Variants in F2RL1 observed in about 807,000 individuals in gnomAD.
F2RL1 encodes proteinase-activated receptor 2.
Under a neutral mutation model 21.7 loss-of-function variants are expected in F2RL1, and 16 were observed. That is an observed-to-expected ratio of 0.74 (90% CI 0.50 to 1.12). The LOEUF (loss-of-function observed/expected upper bound fraction) is 1.12. F2RL1 is among the 50% of genes most tolerant of loss of function. The probability of loss-of-function intolerance (pLI) is 0.00; values close to 1 mark genes in which losing one functional copy is unlikely to be tolerated. For missense variants in F2RL1, 432 were observed against 477.8 expected (o/e 0.90, Z 0.89); for synonymous variants, 181 against 186.7 (o/e 0.97, Z 0.25).
intron 1 of F2RL1, among the ~76,000 whole-genome samples, chr5:76,825,110 G>A (rs944490588): frequency 6.6e-6 from 1 of 150,958 alleles, no homozygotes; most frequent in Admixed American, 6.6e-5. Flanking sequence ...GGGTTCAAGC[G>A]ATTCTCCTGC....
In F2RL1 at chr5:76,819,043, C is replaced by T; in HGVS notation, c.-140C>T. The T allele has an allele frequency of 8.6e-6, 6 of 697,248 alleles. No homozygotes were observed. Among genetic ancestry groups the T allele is most frequent in the Non-Finnish European group, 1.4e-5 (6 of 424,184 alleles). 43.2% of individuals were successfully genotyped at this position (697,248 alleles called of 1,614,324 possible). A position where few individuals can be genotyped will look rare whatever the true frequency, so the allele number is the denominator to read the frequency against. The stretch of plus-strand genomic sequence containing the variant: ...TTCGGTTTCCCTGAAACCTAACCCG[C>T]CCTGGGGAGGCGCGCAGCAGAGGCT... On this transcript the variant is annotated 5_prime_UTR_variant, in exon 1 of 2. Transcript: ENST00000296677.
At chr5:76,828,370 G>A (rs1561211162) in intron 1 of F2RL1, among the ~76,000 whole-genome samples, 1 of 152,028 alleles carries the variant, frequency 6.6e-6, no homozygotes, top group Non-Finnish European at 1.5e-5. Context: ...ATTTTAGAAT[G>A]TATTAATAAA....
At chr5:76,820,697 A>G (rs1270381126) in intron 1 of F2RL1, among the ~76,000 whole-genome samples, 2 of 152,214 alleles carry the variant, frequency 1.3e-5, no homozygotes, top group Non-Finnish European at 2.9e-5. Context: ...AGATCCCTGT[A>G]GGAAGCATGC....
At chr5:76,824,162 C>A (rs1377473917) in intron 1 of F2RL1, among the ~76,000 whole-genome samples, 9 of 145,612 alleles carry the variant, frequency 6.2e-5, no homozygotes, top group Non-Finnish European at 1.1e-4. Context: ...CCACCACACC[C>A]CCCCCCCCTT....
In F2RL1 at chr5:76,833,344, T is replaced by C; in HGVS notation, c.737T>C (p.Leu246Pro). Residue 246 changes from leucine to proline, a missense_variant, in exon 2 of 2, where the codon CTG (leucine) becomes CCG (proline). Transcript: ENST00000296677. ...GACATGTTCAATTACTTCCTCTCTC[T>C]GGCCATTGGGGTCTTTCTGTTCCCA... ...VGDMFNYFLS[L>P]AIGVFLFPAF... The C allele has an allele frequency of 6.2e-7, 1 of 1,614,026 alleles. No individual in the cohort carries two copies. The highest frequency in any genetic ancestry group is 8.5e-7 in the Non-Finnish European group (1 of 1,180,030).
chr5:76,821,557 TGGTTTTTTTTTGTTTTTTTGGTTTTTTG>T (rs1750135858), intron 1 of F2RL1, among the ~76,000 whole-genome samples: 1 of 123,168 alleles, frequency 8.1e-6, no homozygotes, highest in East Asian at 2.0e-4. Flanking sequence ...ATTGGTTTGG[TGGTTTTTTTTTGTTTTTTTGGTTTTTTG>T]GGTTTTTTTT....
chr5:76,827,968 T>C (rs1034179396), intron 1 of F2RL1, among the ~76,000 whole-genome samples: 15 of 152,106 alleles, frequency 9.9e-5, no homozygotes, highest in Non-Finnish European at 1.9e-4. Context: ...TTTATTTTAT[T>C]TTATTTTATT....
intron 1 of F2RL1, among the ~76,000 whole-genome samples, chr5:76,830,931 A>G (rs1212100360): frequency 3.9e-5 from 6 of 152,162 alleles, no homozygotes; most frequent in Non-Finnish European, 8.8e-5. Context: ...GAGCATGAGT[A>G]GGTTTAATAT....
intron 1 of F2RL1, among the ~76,000 whole-genome samples, chr5:76,832,396 G>A (rs1378858029): frequency 6.6e-6 from 1 of 152,120 alleles, no homozygotes; most frequent in Non-Finnish European, 1.5e-5. Context: ...AAGGCCAGGA[G>A]TTTGAGAACA....
chr5:76,835,223 T>C lies in F2RL1; in HGVS notation c.*1422T>C, dbSNP rs940996240. 6.6e-6 allele frequency: 1 copy of C among 152,368 alleles called. No individual in the cohort carries two copies. The highest frequency in any genetic ancestry group is 1.5e-5 in the Non-Finnish European group (1 of 68,042). 9.4% of individuals were successfully genotyped at this position (152,368 alleles called of 1,614,324 possible). A position where few individuals can be genotyped will look rare whatever the true frequency, so the allele number is the denominator to read the frequency against. ...ATTTAAGAGATACTTGATGCCAAAA[T>C]GACTTTATACAACGATTGTATTTGT... On this transcript the variant is annotated 3_prime_UTR_variant, in exon 2 of 2. Coordinates refer to ENST00000296677, the MANE Select transcript of F2RL1 (RefSeq NM_005242.6).
intron 1 of F2RL1, among the ~76,000 whole-genome samples, chr5:76,821,829 C>T (rs946912448): frequency 2.0e-5 from 3 of 151,988 alleles, no homozygotes; most frequent in African/African-American, 7.3e-5. Flanking sequence ...ATCCACCCAC[C>T]TTCAGCCTCC....
chr5:76,832,159 C>T (rs1750361151), intron 1 of F2RL1, among the ~76,000 whole-genome samples: 1 of 150,414 alleles, frequency 6.6e-6, no homozygotes, highest in African/African-American at 2.5e-5. Flanking sequence ...CTTACAACTC[C>T]CCGATACAAA....
Position 76,833,452 on chromosome 5 carries a change from G to T in F2RL1, c.845G>T (p.Arg282Met), listed in dbSNP as rs187106934. 5.0e-6 allele frequency: 8 copies of T among 1,613,878 alleles called. No homozygotes were observed. The highest frequency in any genetic ancestry group is 1.3e-5 in the African/African-American group (1 of 74,944). The change falls in exon 2 of 2, where the codon AGG (arginine) becomes ATG (methionine). Residue 282 changes from arginine (R) to methionine (M), a missense_variant. Coordinates refer to ENST00000296677, the MANE Select transcript of F2RL1 (RefSeq NM_005242.6). ...SAMDENSEKK[R>M]KRAIKLIVTV... is the part of the protein sequence containing the mutation. ...ATGGATGAAAACTCAGAGAAGAAAA[G>T]GAAGAGGGCCATCAAACTCATTGTC...
Position 76,833,713 on chromosome 5 carries a change from A to C in F2RL1, c.1106A>C (p.Gln369Pro). ...TGCCGAAGTGTCCGCACTGTAAAGC[A>C]GATGCAAGTATCCCTCACCTCAAAG... ...LLCRSVRTVK[Q>P]MQVSLTSKKH... is the part of the protein sequence containing the mutation. The change falls in exon 2 of 2, where the codon CAG becomes CCG. Residue 369 changes from glutamine (Q) to proline (P), a missense_variant. By Grantham distance (76) the Gln-to-Pro change is moderately conservative (BLOSUM62 -1). Coordinates refer to ENST00000296677, the MANE Select transcript of F2RL1 (RefSeq NM_005242.6). The C allele has an allele frequency of 2.5e-6, 4 of 1,614,088 alleles. No individual in the cohort carries two copies. The highest frequency in any genetic ancestry group is 2.5e-6 in the Non-Finnish European group (3 of 1,180,022).
intron 1 of F2RL1, 103 bp downstream of exon 1, chr5:76,819,367 C>A: frequency 2.1e-6 from 2 of 954,942 alleles, no homozygotes; most frequent in Non-Finnish European, 1.5e-6. Flanking sequence ...GGCTGTTCTG[C>A]TGCCGGCACC....
chr5:76,829,165 C>T (rs1028600778), intron 1 of F2RL1, among the ~76,000 whole-genome samples: 1 of 151,136 alleles, frequency 6.6e-6, no homozygotes, highest in Non-Finnish European at 1.5e-5. Context: ...AGGATTGAAA[C>T]AAGGTACACA....
chr5:76,827,697 T>C (rs2150606346), intron 1 of F2RL1, among the ~76,000 whole-genome samples: 1 of 150,846 alleles, frequency 6.6e-6, no homozygotes, highest in Middle Eastern at 3.4e-3. Flanking sequence ...CCTCCCAAGT[T>C]CAAATGATTC....
At position 76,833,005 on chromosome 5, in the gene F2RL1, C is replaced by A; in HGVS notation, c.398C>A (p.Ala133Asp). 1 of 1,614,140 alleles carries A rather than the reference C, an allele frequency of 6.2e-7. No homozygotes were observed. Among genetic ancestry groups the A allele is most frequent in the Non-Finnish European group, 8.5e-7 (1 of 1,179,976 alleles). ...LSVIWFPLKI[A>D]YHIHGNNWIY... ...GTCATCTGGTTCCCCTTGAAGATTG[C>A]CTATCACATACATGGCAACAACTGG... Residue 133 changes from alanine (A) to aspartate (D), a missense_variant, in exon 2 of 2, where the codon GCC (alanine) becomes GAC (aspartate). Transcript: ENST00000296677.
chr5:76,828,652 ATT>A (rs34494664), intron 1 of F2RL1, among the ~76,000 whole-genome samples: 61 of 146,576 alleles, frequency 4.2e-4, no homozygotes, highest in Admixed American at 6.8e-4. Context: ...TGCCTGGCTA[ATT>A]TTTTTTTTTT....
Sources: gnomAD v4.1 joint callset for allele counts (sites outside exome capture counted in the v4.1 genomes callset) on GRCh38, gnomAD v4.1.1 for gene constraint, MANE v1.5 for transcripts, NCBI Gene and HGNC (gene_info 2026-07-23, HGNC 2026-07-21) for gene names.